Variants in NAA50 observed in about 807,000 individuals in gnomAD.
NAA50 encodes N-alpha-acetyltransferase 50.
Under a neutral mutation model 20.7 loss-of-function variants are expected in NAA50, and 7 were observed. The observed-to-expected ratio is 0.34, with a 90% CI of 0.19 to 0.63. NAA50 has a LOEUF of 0.63. Ranked by LOEUF, NAA50 falls within the 30% of genes least tolerant of loss-of-function variation. The pLI is 0.75. For synonymous variants in NAA50, 54 were observed against 70.6 expected (o/e 0.77, Z 1.18); for missense variants, 111 against 199.1 (o/e 0.56, Z 2.66).
Position 113,721,158 on chromosome 3 carries a change from T to C in NAA50, c.*602A>G, listed in dbSNP as rs2107982874. Reference sequence around the variant, plus strand: ...ACCAAAGTATAACACTAAACCAAACTGCCCCACCCACCAGCAAGAAGAGAA... The same window carrying C: ...ACCAAAGTATAACACTAAACCAAACCGCCCCACCCACCAGCAAGAAGAGAA... On this transcript the variant is annotated 3_prime_UTR_variant, in exon 5 of 5. Transcript: ENST00000240922. 6.5e-6 allele frequency: 1 copy of C among 153,004 alleles called. No homozygotes were observed. Among genetic ancestry groups the C allele is most frequent in the South Asian group, 2.1e-4 (1 of 4,848 alleles). 9.5% of individuals were successfully genotyped at this position (153,004 alleles called of 1,614,324 possible).
intron 1 of NAA50, among the ~76,000 whole-genome samples, chr3:113,735,724 C>G (rs573056463): frequency 6.6e-6 from 1 of 152,336 alleles, no homozygotes; most frequent in East Asian, 1.9e-4. Context: ...CCCTCAGAAG[C>G]TCAGGCTAGA....
chr3:113,745,844 G>T (rs917508242), intron 1 of NAA50, 98 bp downstream of exon 1: 1 of 1,378,564 alleles, frequency 7.3e-7, no homozygotes, highest in East Asian at 2.8e-5. Context: ...GCCCGTCTTC[G>T]CCCTGAATCT....
rs958329986 is a variant in NAA50, at chr3:113,719,246, T to A, written c.*2514A>T. 6.6e-6 allele frequency: 1 copy of A among 152,638 alleles called. No individual in the cohort carries two copies. The highest frequency in any genetic ancestry group is 1.5e-5 in the Non-Finnish European group (1 of 68,018). The allele number at this position is 152,638 out of a possible 1,614,324, so 9.5% of individuals were successfully genotyped here. A position where few individuals can be genotyped will look rare whatever the true frequency, so the allele number is the denominator to read the frequency against. On this transcript the variant is annotated 3_prime_UTR_variant, in exon 5 of 5. Coordinates refer to ENST00000240922, the MANE Select transcript of NAA50 (RefSeq NM_025146.4). ...ACTTCATTCCCCAAATGAAAGCTAA[T>A]CTGGACAAACTATATATTGCATAGA...
chr3:113,719,517 T>C lies in NAA50; in HGVS notation c.*2243A>G, dbSNP rs1245821404. 2.6e-5 allele frequency: 4 copies of C among 152,644 alleles called. No individual in the cohort carries two copies. In the South Asian group the frequency reaches 6.2e-4, roughly 24 times the overall value. 9.5% of individuals were successfully genotyped at this position (152,644 alleles called of 1,614,324 possible). On this transcript the variant is annotated 3_prime_UTR_variant, in exon 5 of 5. Coordinates refer to ENST00000240922, the MANE Select transcript of NAA50 (RefSeq NM_025146.4). ...GGCATATGAACTTGTGCCCAGCTTT[T>C]TACCTCTTCCACATTCTCCTCCTCC...
At chr3:113,730,776 G>C (rs940407224) in intron 1 of NAA50, among the ~76,000 whole-genome samples, 1 of 152,152 alleles carries the variant, frequency 6.6e-6, no homozygotes, top group Non-Finnish European at 1.5e-5. Context: ...CTCATTCCTT[G>C]TTAATGCTGA....
In NAA50 at chr3:113,736,512, A is replaced by G. The variant is rs115688866; in HGVS notation, c.8+9430T>C. 8.7e-3 allele frequency among the ~76,000 whole-genome samples: 1,319 copies of G among 152,324 alleles called. 14 individuals are homozygous for G. Among genetic ancestry groups the G allele is most frequent in the African/African-American group, 0.028 (1,180 of 41,568 alleles). ...AACTTTACCCTTGGCCTATAAATCA[A>G]GCAGTGTGATGAGTTAATGCACATT... On this transcript the variant is annotated intron_variant, in intron 1 of 4. Transcript: ENST00000240922.
rs142846139 is a variant in NAA50, at chr3:113,719,751, A to G, written c.*2009T>C. 16 of 152,744 alleles carry G rather than the reference A, an allele frequency of 1.0e-4. No individual in the cohort carries two copies. The highest frequency in any genetic ancestry group is 3.8e-4 in the African/African-American group (16 of 41,576). 9.5% of individuals were successfully genotyped at this position (152,744 alleles called of 1,614,324 possible). On this transcript the variant is annotated 3_prime_UTR_variant, in exon 5 of 5. Coordinates refer to ENST00000240922, the MANE Select transcript of NAA50 (RefSeq NM_025146.4). ...TCATGAGGCAGCTATTAGGTTTTCA[A>G]TAACCACATTTAGGGATACATTCAT...
intron 1 of NAA50, among the ~76,000 whole-genome samples, chr3:113,725,158 T>G (rs1708185577): frequency 6.6e-6 from 1 of 152,232 alleles, no homozygotes. Flanking sequence ...GTATTCTGCC[T>G]GCAGAGCTGT....
chr3:113,742,009 GAACAGT>G (rs2107995864), intron 1 of NAA50, among the ~76,000 whole-genome samples: 2 of 152,010 alleles, frequency 1.3e-5, no homozygotes, highest in South Asian at 4.1e-4. Flanking sequence ...ATATTAGAGA[GAACAGT>G]ACATTGATTT....
chr3:113,745,751 C>T, intron 1 of NAA50, 191 bp downstream of exon 1: 1 of 647,822 alleles, frequency 1.5e-6, no homozygotes, highest in East Asian at 3.3e-5. Flanking sequence ...CCTCCGCTGG[C>T]CCTTCAGCCC....
Position 113,718,780 on chromosome 3 carries a change from T to C in NAA50, c.*2980A>G, listed in dbSNP as rs886456502. The C allele has an allele frequency of 2.6e-5, 4 of 152,350 alleles. No homozygotes were observed. The highest frequency in any genetic ancestry group is 9.6e-5 in the African/African-American group (4 of 41,464). 9.4% of individuals were successfully genotyped at this position (152,350 alleles called of 1,614,324 possible). ...CTTTTTCCCTCTCATTGGAACTGAA[T>C]TGTAGATATTGGGCACTGTACCTAG... On this transcript the variant is annotated 3_prime_UTR_variant, in exon 5 of 5. Coordinates refer to ENST00000240922, the MANE Select transcript of NAA50 (RefSeq NM_025146.4).
intron 1 of NAA50, among the ~76,000 whole-genome samples, chr3:113,728,434 A>T (rs929863682): frequency 6.6e-6 from 1 of 152,228 alleles, no homozygotes; most frequent in Non-Finnish European, 1.5e-5. Context: ...CATATAGTAC[A>T]AAAATAATAC....
At chr3:113,745,718 ACCCTGAAG>A (rs1708485390) in intron 1 of NAA50, 1 of 537,802 alleles carries the variant, frequency 1.9e-6, no homozygotes, top group African/African-American at 2.0e-5. Flanking sequence ...CCGAACCGAA[ACCCTGAAG>A]CCCCCCGGGT....
intron 1 of NAA50, 149 bp downstream of exon 1, chr3:113,745,793 C>G (rs1410104262): frequency 4.0e-6 from 4 of 987,986 alleles, no homozygotes; most frequent in Non-Finnish European, 5.7e-6. Context: ...TCCGCCCCCT[C>G]CGGGAGCCGA....
chr3:113,723,085 A>ATAG, intron 3 of NAA50, 113 bp from the exon 4 acceptor site: 2 of 1,301,586 alleles, frequency 1.5e-6, no homozygotes, highest in South Asian at 3.4e-5. Context: ...TTTATGAGGT[A>ATAG]TACACTAGAT....
Position 113,745,828 on chromosome 3 carries a change from C to T in NAA50, c.8+114G>A, listed in dbSNP as rs1026357314. The T allele has an allele frequency of 7.2e-6, 9 of 1,257,240 alleles. No individual in the cohort carries two copies. In the African/African-American group the frequency reaches 1.4e-4, roughly 20 times the overall value. 77.9% of individuals were successfully genotyped at this position (1,257,240 alleles called of 1,614,324 possible). A position where few individuals can be genotyped will look rare whatever the true frequency, so the allele number is the denominator to read the frequency against. On this transcript the variant is annotated intron_variant, in intron 1 of 4. Transcript: ENST00000240922. ...AGGGAACTGAGAAGCAGAGAAATCT[C>T]CCTCCGCCCGTCTTCGCCCTGAATC...
chr3:113,736,535 A>G (rs374182541), intron 1 of NAA50, among the ~76,000 whole-genome samples: 22 of 152,356 alleles, frequency 1.4e-4, no homozygotes, highest in African/African-American at 4.8e-4. Context: ...GTTAATGCAC[A>G]TTAAATTTTG....
chr3:113,723,320 A>G, intron 3 of NAA50, 102 bp downstream of exon 3: 1 of 1,105,786 alleles, frequency 9.0e-7, no homozygotes. Context: ...ACCCTTTCTC[A>G]GTATTCCTTA....
At chr3:113,734,211 A>G (rs1708309203) in intron 1 of NAA50, among the ~76,000 whole-genome samples, 1 of 152,198 alleles carries the variant, frequency 6.6e-6, no homozygotes, top group Non-Finnish European at 1.5e-5. Context: ...AGAACACTCA[A>G]TACTGCATGT....
Sources: gnomAD v4.1 joint callset for allele counts (sites outside exome capture counted in the v4.1 genomes callset) on GRCh38, gnomAD v4.1.1 for gene constraint, MANE v1.5 for transcripts, NCBI Gene and HGNC (gene_info 2026-07-23, HGNC 2026-07-21) for gene names.